The following HOMER2 variants were observed in gnomAD, a reference collection of about 807,000 sequenced individuals.
The protein encoded by HOMER2 is homer scaffold protein 2.
HOMER2 carries 27 observed loss-of-function variants against 47.0 expected under a neutral mutation model. That is an observed-to-expected ratio of 0.57 (90% CI 0.42 to 0.79). The LOEUF (loss-of-function observed/expected upper bound fraction) is 0.79, where lower values mean the gene tolerates loss of function less well. HOMER2 is among the 30% of genes least tolerant of loss of function. HOMER2 has a pLI of 0.00. For synonymous variants in HOMER2, 161 were observed against 163.8 expected (o/e 0.98, Z 0.13); for missense variants, 443 against 435.0 (o/e 1.02, Z -0.16).
intron 1 of HOMER2, among the ~76,000 whole-genome samples, chr15:82,893,425 C>T (rs1208863898): frequency 1.0e-4 from 15 of 150,014 alleles, no homozygotes; most frequent in Admixed American, 1.3e-4. Context: ...CTCCGCCTCC[C>T]GGGTTCAAGC....
chr15:82,882,426 C>CTGCTCGT (rs2052550936), intron 2 of HOMER2, among the ~76,000 whole-genome samples: 1 of 152,236 alleles, frequency 6.6e-6, no homozygotes, highest in South Asian at 2.1e-4. Context: ...CTCACAGTCT[C>CTGCTCGT]CTGGCAGCCC....
chr15:82,907,306 A>C (rs2053314700), intron 1 of HOMER2, among the ~76,000 whole-genome samples: 1 of 151,976 alleles, frequency 6.6e-6, no homozygotes, highest in African/African-American at 2.4e-5. Context: ...GTAGCAAGCC[A>C]AGACTGTGCC....
At chr15:82,952,406 G>A in intron 1 of HOMER2, 125 bp downstream of exon 1, 1 of 657,918 alleles carries the variant, frequency 1.5e-6, no homozygotes, top group Non-Finnish European at 2.1e-6. Context: ...CAGAGTGTGC[G>A]CTCGCTCCGG....
chr15:82,857,389 G>C (rs543441481), intron 5 of HOMER2, among the ~76,000 whole-genome samples: 9 of 147,110 alleles, frequency 6.1e-5, no homozygotes, highest in African/African-American at 2.2e-4. Flanking sequence ...TGTTATAGCA[G>C]CCTGAGCTAA....
At chr15:82,935,882 C>T (rs1177305742) in intron 1 of HOMER2, among the ~76,000 whole-genome samples, 1 of 152,158 alleles carries the variant, frequency 6.6e-6, no homozygotes, top group Admixed American at 6.5e-5. Flanking sequence ...AACTGTTGTC[C>T]CCTTCCACTG....
chr15:82,942,236 A>G (rs1171179237), intron 1 of HOMER2, among the ~76,000 whole-genome samples: 1 of 152,244 alleles, frequency 6.6e-6, no homozygotes, highest in Non-Finnish European at 1.5e-5. Context: ...TCAGGAAGGC[A>G]GGGACTCTGT....
At position 82,849,893 on chromosome 15, in the gene HOMER2, C is replaced by G; in HGVS notation, c.854G>C (p.Arg285Thr). 1.2e-6 allele frequency: 2 copies of G among 1,613,632 alleles called. No homozygotes were observed. The highest frequency in any genetic ancestry group is 1.7e-6 in the Non-Finnish European group (2 of 1,179,630). Residue 285 changes from arginine (R) to threonine (T), a missense_variant, in exon 9 of 9, where the codon AGA becomes ACA. Coordinates refer to ENST00000450735, the MANE Select transcript of HOMER2 (RefSeq NM_004839.4). Reference protein sequence around the residue: ...YVSEKLEAAERDNQNLEDKVR... With the variant: ...YVSEKLEAAETDNQNLEDKVR... ...TTTGTCTTCCAGGTTTTGATTGTCT[C>G]TCTCTGCCGCCTGGCCAAGCAAAAG...
upstream of HOMER2, among the ~76,000 whole-genome samples, chr15:82,957,591 C>G (rs1426289351): frequency 6.6e-6 from 1 of 152,182 alleles, no homozygotes; most frequent in Non-Finnish European, 1.5e-5. Flanking sequence ...AGATTCAGGA[C>G]CCCTCTACAG....
chr15:82,836,473 C>T (rs187955509), downstream of HOMER2, among the ~76,000 whole-genome samples: 56 of 152,374 alleles, frequency 3.7e-4, no homozygotes, highest in East Asian at 9.6e-3. Flanking sequence ...CCCCAAAGGG[C>T]CTGCTCTCTT....
chr15:82,854,362 T>C (rs1053685583), intron 6 of HOMER2, among the ~76,000 whole-genome samples: 8 of 151,978 alleles, frequency 5.3e-5, no homozygotes, highest in South Asian at 2.1e-4. Flanking sequence ...ACTGAGATCG[T>C]GCCACTGCAC....
intron 1 of HOMER2, among the ~76,000 whole-genome samples, chr15:82,942,001 C>T (rs906331588): frequency 6.6e-6 from 1 of 152,110 alleles, no homozygotes; most frequent in Non-Finnish European, 1.5e-5. Context: ...GTTCTTGACC[C>T]GCATACTTCA....
intron 2 of HOMER2, among the ~76,000 whole-genome samples, chr15:82,891,877 G>C (rs2052719382): frequency 6.6e-6 from 1 of 151,858 alleles, no homozygotes; most frequent in Non-Finnish European, 1.5e-5. Flanking sequence ...GTGGTTTAGA[G>C]GACAAAAAGG....
In HOMER2 at chr15:82,875,421, C is replaced by A; in HGVS notation, c.163-17G>T. On this transcript the variant is annotated splice_polypyrimidine_tract_variant and intron_variant, in intron 2 of 8. Transcript: ENST00000450735. ...TATGATCACCTGCAGAAAAACAGCCCAAAGAGTGAAAATTTAAATGTTGAA... is the reference window on the plus strand; with the variant it reads ...TATGATCACCTGCAGAAAAACAGCCAAAAGAGTGAAAATTTAAATGTTGAA... The A allele has an allele frequency of 1.2e-6, 2 of 1,612,912 alleles. No homozygotes were observed. Among genetic ancestry groups the A allele is most frequent in the Non-Finnish European group, 1.7e-6 (2 of 1,179,214 alleles).
At chr15:82,837,047 C>T (rs1033270121) in exon 2 of HOMER2, 3 of 152,280 alleles carry the variant, frequency 2.0e-5, no homozygotes, top group African/African-American at 7.2e-5. Context: ...GTGTTCTCTT[C>T]TAAAGGCTCC....
At position 82,852,269 on chromosome 15, in the gene HOMER2, A is replaced by C; in HGVS notation, c.652-17T>G. On this transcript the variant is annotated splice_polypyrimidine_tract_variant and intron_variant, in intron 6 of 8. Transcript: ENST00000450735. ...CTCATCAATCTTCAATACACACCAC[A>C]CAGGAAAGCAGGGACGCCAGCTTAA... 1 of 1,576,036 alleles carries C rather than the reference A, an allele frequency of 6.3e-7. No individual in the cohort carries two copies. The highest frequency in any genetic ancestry group is 8.7e-7 in the Non-Finnish European group (1 of 1,146,134).
chr15:82,955,082 G>T (rs141504394), upstream of HOMER2, among the ~76,000 whole-genome samples: 187 of 146,602 alleles, frequency 1.3e-3, no homozygotes, highest in African/African-American at 4.1e-3. Flanking sequence ...GGCCCATTCT[G>T]TTCTATTTTT....
intron 1 of HOMER2, among the ~76,000 whole-genome samples, chr15:82,965,464 T>C (rs972274218): frequency 6.6e-6 from 1 of 152,218 alleles, no homozygotes; most frequent in Non-Finnish European, 1.5e-5. Context: ...CTTTGCTTGA[T>C]CTCAGGTAAA....
At chr15:82,904,078 A>G (rs543675250) in intron 1 of HOMER2, among the ~76,000 whole-genome samples, 48 of 152,140 alleles carry the variant, frequency 3.2e-4, no homozygotes, top group Non-Finnish European at 5.2e-4. Flanking sequence ...TGGAGGCTGC[A>G]GTGAGCCAAG....
At chr15:82,984,709 C>T (rs1050850159) in intron 1 of HOMER2, among the ~76,000 whole-genome samples, 10 of 151,978 alleles carry the variant, frequency 6.6e-5, no homozygotes, top group African/African-American at 1.9e-4. Flanking sequence ...CCCAGCTCTC[C>T]GGAGGCTGAG....
Sources: allele counts gnomAD v4.1 joint callset (sites outside exome capture counted in the v4.1 genomes callset), GRCh38; gene constraint gnomAD v4.1.1; transcripts MANE v1.5; gene names NCBI Gene and HGNC (gene_info 2026-07-23, HGNC 2026-07-21).